CSMD2: variants seen among roughly 807,000 people sequenced by gnomAD.
The protein encoded by CSMD2 is CUB and sushi domain-containing protein 2.
In CSMD2, 130 loss-of-function variants were observed where a neutral mutation model predicts 398.5. The ratio of observed to expected loss-of-function variants is 0.33; its 90% CI spans 0.28 to 0.38. The LOEUF (loss-of-function observed/expected upper bound fraction) is 0.38, where lower values mean the gene tolerates loss of function less well. Among genes scored for constraint, CSMD2 ranks in the 10% least tolerant of loss-of-function variants. The probability of loss-of-function intolerance (pLI) is 1.00; values close to 1 mark genes in which losing one functional copy is unlikely to be tolerated. For missense variants in CSMD2, 3,829 were observed against 4,764.9 expected, an observed-to-expected ratio of 0.80 and a Z score of 5.78; for synonymous variants, 1,828 against 1,908.5, an observed-to-expected ratio of 0.96 and a Z score of 1.10.
Position 33,540,847 on chromosome 1 carries a change from T to A in CSMD2, c.9458-149A>T, listed in dbSNP as rs921499434. The A allele has an allele frequency of 6.2e-5, 55 of 891,102 alleles. No homozygotes were observed. In the African/African-American group the frequency reaches 8.6e-4, roughly 14 times the overall value. The allele number at this position is 891,102 out of a possible 1,614,324, so 55.2% of individuals were successfully genotyped here. On this transcript the variant is annotated intron_variant, in intron 59 of 70. Transcript: ENST00000373381. ...GAATGGGGCCCTCTTACTGTGGGAG[T>A]TCTGATCTTTTTGCACCTTACAATG...
chr1:33,981,543 C>G (rs1646166316), intron 3 of CSMD2, among the ~76,000 whole-genome samples: 1 of 152,240 alleles, frequency 6.6e-6, no homozygotes, highest in Non-Finnish European at 1.5e-5. Flanking sequence ...ATCGTCATAA[C>G]AACCCCTTCA....
intron 41 of CSMD2, among the ~76,000 whole-genome samples, chr1:33,606,576 G>GC (rs2148822353): frequency 6.6e-6 from 1 of 152,364 alleles, no homozygotes; most frequent in South Asian, 2.1e-4. Context: ...TGGCCCTGCA[G>GC]CACGGGGGTT....
At chr1:33,709,048 G>T in intron 22 of CSMD2, 41 bp downstream of exon 22, 2 of 1,529,550 alleles carry the variant, frequency 1.3e-6, no homozygotes, top group East Asian at 2.3e-5. Context: ...CTAGACTATT[G>T]CATACTATAA....
At chr1:33,983,273 A>T (rs1281876309) in intron 3 of CSMD2, among the ~76,000 whole-genome samples, 1 of 152,190 alleles carries the variant, frequency 6.6e-6, no homozygotes. Context: ...AGATGCCAAG[A>T]ACTTATTTAT....
At chr1:33,600,663 A>T in intron 44 of CSMD2, 1 of 603,800 alleles carries the variant, frequency 1.7e-6, no homozygotes, top group East Asian at 2.8e-5. Flanking sequence ...TAGGAGGAAA[A>T]CTTGCATTTA....
chr1:33,740,623 C>T (rs1034128695), intron 14 of CSMD2, among the ~76,000 whole-genome samples: 18 of 152,146 alleles, frequency 1.2e-4, no homozygotes, highest in African/African-American at 3.4e-4. Flanking sequence ...TCCATTTGAA[C>T]GCTTAGGTCA....
rs1236995244 is a variant in CSMD2 at position 33,587,184 on chromosome 1, C to G, written c.6857-16G>C. 2.5e-6 allele frequency: 4 copies of G among 1,578,560 alleles called. No individual in the cohort carries two copies. Among genetic ancestry groups the G allele is most frequent in the Non-Finnish European group, 3.5e-6 (4 of 1,156,080 alleles). ...AGTGGATAAGCTGAAAAGATAAAAG[C>G]AGGCAAGTCAGGGTAAGATCATCAT... On this transcript the variant is annotated splice_polypyrimidine_tract_variant and intron_variant, in intron 44 of 70. Transcript: ENST00000373381.
chr1:33,737,710 C>CCATT (rs1317605442), intron 15 of CSMD2, among the ~76,000 whole-genome samples: 1 of 152,134 alleles, frequency 6.6e-6, no homozygotes, highest in Non-Finnish European at 1.5e-5. Context: ...AGTTAAAAGG[C>CCATT]CATTCATTCA....
At chr1:33,529,056 G>A (rs1001048038) in intron 64 of CSMD2, among the ~76,000 whole-genome samples, 4 of 152,092 alleles carry the variant, frequency 2.6e-5, no homozygotes, top group African/African-American at 9.7e-5. Context: ...GAAACAAAAG[G>A]CAAAACAATA....
chr1:34,091,988 C>A (rs1658621989), intron 1 of CSMD2, among the ~76,000 whole-genome samples: 3 of 151,976 alleles, frequency 2.0e-5, no homozygotes, highest in African/African-American at 7.3e-5. Flanking sequence ...CAGGAGAATT[C>A]ATTATAAAGC....
intron 2 of CSMD2, among the ~76,000 whole-genome samples, chr1:34,080,294 G>A (rs1656920878): frequency 1.3e-5 from 2 of 151,844 alleles, no homozygotes; most frequent in African/African-American, 4.8e-5. Flanking sequence ...ATAAAAGGAG[G>A]AACTGATATA....
intron 15 of CSMD2, among the ~76,000 whole-genome samples, chr1:33,736,185 A>G (rs911987486): frequency 1.8e-4 from 27 of 152,226 alleles, no homozygotes; most frequent in Non-Finnish European, 3.5e-4. Flanking sequence ...GGACAGAATG[A>G]AAAAGACCTT....
At chr1:34,048,124 G>A (rs1652752683) in intron 2 of CSMD2, among the ~76,000 whole-genome samples, 1 of 151,310 alleles carries the variant, frequency 6.6e-6, no homozygotes, top group African/African-American at 2.4e-5. Context: ...AAGCTTTGAG[G>A]AAGAGAGGTC....
intron 51 of CSMD2, among the ~76,000 whole-genome samples, chr1:33,570,620 C>T (rs1659511094): frequency 6.6e-6 from 1 of 152,148 alleles, no homozygotes; most frequent in African/African-American, 2.4e-5. Flanking sequence ...GTAGTGCATG[C>T]TGCGATGAGC....
chr1:33,709,873 T>G (rs1645927441), intron 21 of CSMD2, among the ~76,000 whole-genome samples: 1 of 151,970 alleles, frequency 6.6e-6, no homozygotes, highest in Non-Finnish European at 1.5e-5. Context: ...AGCCTCTCTG[T>G]GGATTCACGA....
rs188019237 is a variant in CSMD2, at chr1:34,127,771, G to A, written c.187+37140C>T. On this transcript the variant is annotated intron_variant, in intron 1 of 70. Transcript: ENST00000373381. ...TCATAGTCCAGGTGGCAGGCCCAGA[G>A]CTGAGTTGCAGGACTGACCCAGGGC... 1.3e-4 allele frequency among the ~76,000 whole-genome samples: 20 copies of A among 152,248 alleles called. No homozygotes were observed. In the East Asian group the frequency reaches 3.7e-3, roughly 28 times the overall value.
At chr1:33,562,464 G>C (rs544132206) in intron 53 of CSMD2, among the ~76,000 whole-genome samples, 72 of 152,322 alleles carry the variant, frequency 4.7e-4, no homozygotes, top group African/African-American at 1.7e-3. Context: ...TAGGACCAGA[G>C]ATACTGTTGA....
intron 1 of CSMD2, among the ~76,000 whole-genome samples, chr1:34,116,520 G>C (rs906432608): frequency 6.6e-6 from 1 of 151,918 alleles, no homozygotes; most frequent in South Asian, 2.1e-4. Flanking sequence ...GAATTAAAGA[G>C]AAAAATAGAC....
upstream of CSMD2, chr1:34,165,675 G>T: frequency 6.9e-7 from 1 of 1,441,094 alleles, no homozygotes; most frequent in Non-Finnish European, 9.8e-7. Flanking sequence ...CCTCTTCCAC[G>T]TTTGGAAATT....
Sources: gnomAD v4.1 joint callset for allele counts (sites outside exome capture counted in the v4.1 genomes callset) on GRCh38, gnomAD v4.1.1 for gene constraint, MANE v1.5 for transcripts, NCBI Gene and HGNC (gene_info 2026-07-23, HGNC 2026-07-21) for gene names.